The following C9orf40 variants were observed in gnomAD, a reference collection of about 807,000 sequenced individuals.
C9orf40 encodes the protein uncharacterized protein C9orf40.
In C9orf40, 2 loss-of-function variants were observed where a neutral mutation model predicts 7.9. The ratio of observed to expected loss-of-function variants is 0.25; its 90% CI spans 0.10 to 0.80. C9orf40 has a LOEUF of 0.80. Ranked by LOEUF, C9orf40 falls within the 30% of genes least tolerant of loss-of-function variation. The probability of loss-of-function intolerance (pLI) is 0.68; values close to 1 mark genes in which losing one functional copy is unlikely to be tolerated. For missense variants in C9orf40, 256 were observed against 268.5 expected, an observed-to-expected ratio of 0.95 and a Z score of 0.33; for synonymous variants, 113 against 117.6, an observed-to-expected ratio of 0.96 and a Z score of 0.25.
At position 74,952,656 on chromosome 9, in the gene C9orf40, G is replaced by C. The variant is rs968590962; in HGVS notation, c.-45C>G. The stretch of plus-strand genomic sequence containing the variant: ...GAGCCCGCCAGGCGCGGGAGACCGA[G>C]TGCCGATAGCTGCGGGGGGCGAAGA... On this transcript the variant is annotated 5_prime_UTR_variant, in exon 1 of 2. Transcript: ENST00000376854. This position sits in a 1 kb window ranked among gnomAD's most constrained non-coding sequence, Gnocchi z 5.4. 12 of 1,491,840 alleles carry C rather than the reference G, an allele frequency of 8.0e-6. No homozygotes were observed. The highest frequency in any genetic ancestry group is 9.8e-6 in the Non-Finnish European group (11 of 1,121,850). 92.4% of individuals were successfully genotyped at this position (1,491,840 alleles called of 1,614,324 possible).
intron 1 of C9orf40, among the ~76,000 whole-genome samples, chr9:74,949,798 G>A (rs1832277830): frequency 6.6e-6 from 1 of 152,180 alleles, no homozygotes; most frequent in Admixed American, 6.5e-5. Context: ...GCTGGAGAGA[G>A]CATGATTGTA....
At chr9:74,949,627 G>A (rs554236285) in intron 1 of C9orf40, among the ~76,000 whole-genome samples, 1 of 152,268 alleles carries the variant, frequency 6.6e-6, no homozygotes, top group African/African-American at 2.4e-5. Context: ...CAAGGGTGAG[G>A]GCTGGGACTT....
chr9:74,949,577 G>C (rs1039505100), intron 1 of C9orf40, among the ~76,000 whole-genome samples: 61 of 152,172 alleles, frequency 4.0e-4, no homozygotes, highest in African/African-American at 1.4e-3. Flanking sequence ...TCTCAATGTA[G>C]AAAAAAGGTA....
At chr9:74,948,341 T>A (rs182416367) in intron 1 of C9orf40, 135 bp from the exon 2 acceptor site, 1 of 542,982 alleles carries the variant, frequency 1.8e-6, no homozygotes, top group African/African-American at 1.9e-5. Flanking sequence ...TTAACAAATA[T>A]ACATTTTAAA....
Position 74,946,898 on chromosome 9 carries a change from T to C in C9orf40, c.*1150A>G, listed in dbSNP as rs1357967402. The C allele has an allele frequency of 1.3e-5, 2 of 152,230 alleles. No individual in the cohort carries two copies. Among genetic ancestry groups the C allele is most frequent in the East Asian group, 3.8e-4 (2 of 5,202 alleles). 9.4% of individuals were successfully genotyped at this position (152,230 alleles called of 1,614,324 possible). On this transcript the variant is annotated 3_prime_UTR_variant, in exon 2 of 2. Coordinates refer to ENST00000376854, the MANE Select transcript of C9orf40 (RefSeq NM_017998.3). ...ATGCAAGCAAGAACCAGTTACTCAA[T>C]TGCAAAACCAACATTCTGGATGCAG... is the stretch of plus-strand genomic sequence containing the variant.
In C9orf40 at chr9:74,952,522, T is replaced by C; in HGVS notation, c.90A>G (p.Pro30=). The C allele has an allele frequency of 1.3e-6, 2 of 1,589,496 alleles. No homozygotes were observed. The highest frequency in any genetic ancestry group is 2.2e-5 in the South Asian group (2 of 89,670). Residue 30 remains proline (P), a synonymous_variant, in exon 1 of 2, where the codon CCA becomes CCG. Transcript: ENST00000376854. This position sits in a 1 kb window ranked among gnomAD's most constrained non-coding sequence, Gnocchi z 5.4. ...CGGGCGGCCGGATCCAGAGAGGCGG[T>C]GGCGGCGGCTGCTCAGCGAAGTCGC... The part of the protein sequence containing the change: ...LLCDFAEQPP[P]PPLWIRPPGV...
intron 1 of C9orf40, among the ~76,000 whole-genome samples, chr9:74,951,208 A>G (rs1832290916): frequency 6.6e-6 from 1 of 152,140 alleles, no homozygotes; most frequent in African/African-American, 2.4e-5. Flanking sequence ...TGCAGAGATG[A>G]GGCAGGCTCA....
intron 1 of C9orf40, 84 bp from the exon 2 acceptor site, chr9:74,948,290 G>T: frequency 1.1e-6 from 1 of 885,496 alleles, no homozygotes; most frequent in Non-Finnish European, 1.7e-6. Context: ...TGTTTTAAAG[G>T]CAAACTCATA....
rs1832250151 is a variant in C9orf40 at position 74,947,195 on chromosome 9, T to TGG, written c.*852_*853insCC. 6.6e-6 allele frequency: 1 copy of TGG among 152,606 alleles called. No homozygotes were observed. The highest frequency in any genetic ancestry group is 2.4e-5 in the African/African-American group (1 of 41,430). 9.5% of individuals were successfully genotyped at this position (152,606 alleles called of 1,614,324 possible). ...CAGGACAGGTGTTTAAAAAAATAGT[T>TGG]ATATCCAAGACCCACCTCAGAACTA... On this transcript the variant is annotated 3_prime_UTR_variant, in exon 2 of 2. Coordinates refer to ENST00000376854, the MANE Select transcript of C9orf40 (RefSeq NM_017998.3).
intron 1 of C9orf40, among the ~76,000 whole-genome samples, chr9:74,951,224 T>G (rs1832291082): frequency 6.6e-6 from 1 of 152,202 alleles, no homozygotes; most frequent in Non-Finnish European, 1.5e-5. Flanking sequence ...GCTCATGTCT[T>G]GAATAAAAAC....
Position 74,950,126 on chromosome 9 carries a change from AAAC to A in C9orf40, c.427-1923_427-1921del, listed in dbSNP as rs1471468070. Among the ~76,000 whole-genome samples, 7 of 152,354 alleles carry A rather than the reference AAAC, an allele frequency of 4.6e-5. 1 individual carries two copies. The South Asian group carries it at 8.3e-4, about 18-fold the overall frequency. ...CGAGACCCCAAGACCCTTTTTTAAA[AAAC>A]AACAAAGAGAACAAGGGTAGTCTTG... is the stretch of plus-strand genomic sequence containing the variant. On this transcript the variant is annotated intron_variant, in intron 1 of 1. Transcript: ENST00000376854.
rs1564081152 is a variant in C9orf40, at chr9:74,952,435, G to A, written c.177C>T (p.Asp59=). ...CCGAGGGCTCTGCCATGGTCCCTGC[G>A]TCGATTTTGCGCTTTCGGTGCTGCT... ...VPEQHRKRKI[D]AGTMAEPSAS... The change falls in exon 1 of 2, where the codon GAC becomes GAT. Residue 59 remains aspartate (D), a synonymous_variant. Transcript: ENST00000376854. The surrounding 1 kb of genome is among the most constrained non-coding windows in gnomAD (Gnocchi z 5.4). 1 of 1,600,440 alleles carries A rather than the reference G, an allele frequency of 6.2e-7. No individual in the cohort carries two copies. The highest frequency in any genetic ancestry group is 1.1e-5 in the South Asian group (1 of 89,936).
rs1832324564 is a variant in C9orf40 at position 74,952,840 on chromosome 9, G to T, written c.-229C>A. 2.1e-6 allele frequency: 1 copy of T among 483,288 alleles called. No individual in the cohort carries two copies. The highest frequency in any genetic ancestry group is 3.3e-5 in the South Asian group (1 of 30,008). 29.9% of individuals were successfully genotyped at this position (483,288 alleles called of 1,614,324 possible). ...TCAGCCCTCGCCGCCGCCGAGATGC[G>T]GCCCGGACGTTGAGAAGCAACCGCG... On this transcript the variant is annotated 5_prime_UTR_variant, in exon 1 of 2. Coordinates refer to ENST00000376854, the MANE Select transcript of C9orf40 (RefSeq NM_017998.3). The surrounding 1 kb of genome is among the most constrained non-coding windows in gnomAD (Gnocchi z 5.4).
At chr9:74,950,624 A>G (rs953960248) in intron 1 of C9orf40, among the ~76,000 whole-genome samples, 6 of 152,166 alleles carry the variant, frequency 3.9e-5, no homozygotes, top group Non-Finnish European at 7.3e-5. Flanking sequence ...TCCCAACTAT[A>G]AAACTCTCGT....
rs765385216 is a variant in C9orf40 at position 74,952,569 on chromosome 9, G to A, written c.43C>T (p.Pro15Ser). 6.3e-7 allele frequency: 1 copy of A among 1,585,572 alleles called. No homozygotes were observed. The highest frequency in any genetic ancestry group is 8.5e-7 in the Non-Finnish European group (1 of 1,175,286). ...RAAEPVTFHV[P>S]WKRLLLCDFA... is the part of the protein sequence containing the mutation. The stretch of plus-strand genomic sequence containing the variant: ...TCGCAAAGCAGGAGCCGCTTCCAAG[G>A]CACGTGGAACGTCACCGGCTCGGCC... The change falls in exon 1 of 2, where the codon CCT (proline) becomes TCT (serine). Residue 15 changes from proline (P) to serine (S), a missense_variant. Transcript: ENST00000376854. The surrounding 1 kb of genome is among the most constrained non-coding windows in gnomAD (Gnocchi z 5.4).
intron 1 of C9orf40, among the ~76,000 whole-genome samples, chr9:74,951,817 C>T (rs1003379044): frequency 5.3e-5 from 8 of 152,222 alleles, no homozygotes; most frequent in African/African-American, 1.9e-4. Flanking sequence ...CCCTCTACAC[C>T]TTTATCTGTC....
chr9:74,949,526 C>A (rs1832275594), intron 1 of C9orf40, among the ~76,000 whole-genome samples: 1 of 152,118 alleles, frequency 6.6e-6, no homozygotes, highest in African/African-American at 2.4e-5. Flanking sequence ...CCTGAAGTTC[C>A]GGGACAGAAA....
rs896495225 is a variant in C9orf40 at position 74,947,028 on chromosome 9, G to T, written c.*1020C>A. The stretch of plus-strand genomic sequence containing the variant: ...AACACAATAATTCAGTTGTAACAAA[G>T]CCACCAACAGAGCAAAACAAAAACA... On this transcript the variant is annotated 3_prime_UTR_variant, in exon 2 of 2. Transcript: ENST00000376854. The T allele has an allele frequency of 2.6e-5, 4 of 152,048 alleles. No homozygotes were observed. Among genetic ancestry groups the T allele is most frequent in the African/African-American group, 7.2e-5 (3 of 41,406 alleles). The allele number at this position is 152,048 out of a possible 1,614,324, so 9.4% of individuals were successfully genotyped here. A position where few individuals can be genotyped will look rare whatever the true frequency, so the allele number is the denominator to read the frequency against.
At position 74,952,833 on chromosome 9, in the gene C9orf40, G is replaced by C. The variant is rs1255004278; in HGVS notation, c.-222C>G. On this transcript the variant is annotated 5_prime_UTR_variant, in exon 1 of 2. Transcript: ENST00000376854. This position sits in a 1 kb window ranked among gnomAD's most constrained non-coding sequence, Gnocchi z 5.4. ...CCCGCGCTCAGCCCTCGCCGCCGCC[G>C]AGATGCGGCCCGGACGTTGAGAAGC... 6.1e-6 allele frequency: 3 copies of C among 491,336 alleles called. No individual in the cohort carries two copies. The highest frequency in any genetic ancestry group is 1.1e-5 in the Non-Finnish European group (3 of 280,662). 30.4% of individuals were successfully genotyped at this position (491,336 alleles called of 1,614,324 possible).
Sources: allele counts gnomAD v4.1 joint callset (sites outside exome capture counted in the v4.1 genomes callset), GRCh38; gene constraint gnomAD v4.1.1; non-coding constraint Gnocchi (gnomAD v3.1); transcripts MANE v1.5; gene names NCBI Gene and HGNC (gene_info 2026-07-23, HGNC 2026-07-21).